The following UNC79 variants were observed in gnomAD, a reference collection of about 807,000 sequenced individuals.
UNC79 encodes unc-79 subunit of NALCN channel complex.
Under a neutral mutation model 283.1 loss-of-function variants are expected in UNC79, and 37 were observed. The ratio of observed to expected loss-of-function variants is 0.13; its 90% CI spans 0.10 to 0.17. UNC79 has a LOEUF of 0.17. UNC79 is among the 10% of genes least tolerant of loss of function. The pLI is 1.00. For synonymous variants in UNC79, 1,107 were observed against 1,200.2 expected (o/e 0.92, Z 1.61); for missense variants, 2,272 against 3,211.1 (o/e 0.71, Z 7.07).
intron 40 of UNC79, 151 bp downstream of exon 43, chr14:93,662,865 G>A (rs745795812): frequency 5.8e-6 from 3 of 519,260 alleles, no homozygotes; most frequent in East Asian, 6.0e-5. Flanking sequence ...ACCATGGTAA[G>A]GAAACACTTT....
At chr14:93,581,467 C>T (rs2063796898) in intron 19 of UNC79, among the ~76,000 whole-genome samples, 1 of 150,108 alleles carries the variant, frequency 6.7e-6, no homozygotes, top group Admixed American at 6.6e-5. Flanking sequence ...ACCACCACAC[C>T]TGGCCAGTAT....
At chr14:93,659,357 C>A in intron 39 of UNC79, 96 bp downstream of exon 42, 3 of 953,994 alleles carry the variant, frequency 3.1e-6, no homozygotes, top group Non-Finnish European at 4.6e-6. Flanking sequence ...ATAGTTATGG[C>A]ATACTGAATG....
intron 1 of UNC79, among the ~76,000 whole-genome samples, chr14:93,415,009 T>TA (rs1337688061): frequency 6.6e-6 from 1 of 152,240 alleles, no homozygotes; most frequent in African/African-American, 2.4e-5. Context: ...GAATACCCTC[T>TA]ATTTCCTTCT....
intron 1 of UNC79, among the ~76,000 whole-genome samples, chr14:93,362,327 T>C (rs1182231309): frequency 2.6e-5 from 4 of 152,144 alleles, no homozygotes; most frequent in Admixed American, 1.3e-4. Flanking sequence ...GGGATTCTTA[T>C]GGTTGGTAGG....
At position 93,617,958 on chromosome 14, in the gene UNC79, G is replaced by A. The variant is rs553912623; in HGVS notation, c.4225-234G>A. Among the ~76,000 whole-genome samples, 6 of 152,170 alleles carry A rather than the reference G, an allele frequency of 3.9e-5. No homozygotes were observed. In the East Asian group the frequency reaches 5.8e-4, roughly 15 times the overall value. On this transcript the variant is annotated intron_variant, in intron 28 of 48. Transcript: ENST00000555664. The surrounding 1 kb of genome is among the most constrained non-coding windows in gnomAD (Gnocchi z 4.5). ...TGAGGTGGGAGGATCACCTGAGCCC[G>A]GTAGGCTGCTATGATCACGCCACAG...
chr14:93,493,550 G>T (rs938286800), intron 5 of UNC79, among the ~76,000 whole-genome samples: 14 of 152,112 alleles, frequency 9.2e-5, no homozygotes, highest in African/African-American at 3.4e-4. Context: ...TGAAGAATAA[G>T]CAGATCTTTC....
intron 1 of UNC79, among the ~76,000 whole-genome samples, chr14:93,383,193 T>C (rs1304950176): frequency 2.0e-5 from 3 of 152,172 alleles, no homozygotes; most frequent in Admixed American, 2.0e-4. Context: ...GTGAGAGAGA[T>C]TGTGGGTTCA....
At chr14:93,391,319 C>T (rs144850365) in intron 1 of UNC79, among the ~76,000 whole-genome samples, 8 of 152,198 alleles carry the variant, frequency 5.3e-5, no homozygotes, top group African/African-American at 4.8e-5. Context: ...CATATCACAG[C>T]CAGACATCAA....
intron 32 of UNC79, among the ~76,000 whole-genome samples, chr14:93,639,480 T>C (rs1368799166): frequency 6.6e-6 from 1 of 152,246 alleles, no homozygotes; most frequent in Non-Finnish European, 1.5e-5. Flanking sequence ...ATGCTTGTAA[T>C]TCTGTTGCTT....
chr14:93,654,116 G>C, intron 37 of UNC79, 91 bp downstream of exon 40: 1 of 1,002,338 alleles, frequency 1.0e-6, no homozygotes, highest in Non-Finnish European at 1.5e-6. Flanking sequence ...CACACCATAG[G>C]ATACTGCTGA....
chr14:93,535,427 C>T (rs2061021502), intron 11 of UNC79, among the ~76,000 whole-genome samples: 1 of 152,144 alleles, frequency 6.6e-6, no homozygotes, highest in Admixed American at 6.5e-5. Context: ...TTATCATATG[C>T]AGTGTATCCA....
At chr14:93,355,679 A>G (rs1031260142) in intron 1 of UNC79, among the ~76,000 whole-genome samples, 1 of 151,950 alleles carries the variant, frequency 6.6e-6, no homozygotes, top group Non-Finnish European at 1.5e-5. Context: ...TACATTGACC[A>G]CCTCTTTCCA....
intron 1 of UNC79, among the ~76,000 whole-genome samples, chr14:93,408,521 T>G (rs2055270976): frequency 6.6e-6 from 1 of 152,074 alleles, no homozygotes; most frequent in Non-Finnish European, 1.5e-5. Flanking sequence ...AAAAAGACCC[T>G]GTCTCTGCAA....
In UNC79 at chr14:93,620,347, A is replaced by T. The variant is rs370073597; in HGVS notation, c.4388-1274A>T. Among the ~76,000 whole-genome samples, 12 of 152,198 alleles carry T rather than the reference A, an allele frequency of 7.9e-5. No homozygotes were observed. The East Asian group carries it at 1.7e-3, about 22-fold the overall frequency. On this transcript the variant is annotated intron_variant, in intron 29 of 48. Coordinates refer to ENST00000555664, the Ensembl canonical transcript of UNC79. ...TTTTCTGTGTGTTGCGTGTCTCATT[A>T]TCAAATGTAGAGTACAGTATTTTGC... is the stretch of plus-strand genomic sequence containing the variant.
intron 24 of UNC79, among the ~76,000 whole-genome samples, chr14:93,600,072 C>T (rs545330726): frequency 5.0e-4 from 76 of 152,162 alleles, no homozygotes; most frequent in South Asian, 1.9e-3. Flanking sequence ...TGGTGGCGGG[C>T]GCCTGTAGTC....
At chr14:93,673,878 G>C (rs899427212) in intron 41 of UNC79, among the ~76,000 whole-genome samples, 1 of 152,124 alleles carries the variant, frequency 6.6e-6, no homozygotes, top group Non-Finnish European at 1.5e-5. Context: ...CAGAAGTAAA[G>C]GAGAGGGTGG....
intron 1 of UNC79, among the ~76,000 whole-genome samples, chr14:93,345,685 C>T (rs547074287): frequency 1.3e-5 from 2 of 151,976 alleles, no homozygotes; most frequent in Non-Finnish European, 2.9e-5. Context: ...AGAGGTGACC[C>T]GCTAAGAAGG....
chr14:93,529,421 A>G (rs1595759043), intron 10 of UNC79, 95 bp downstream of exon 10: 1 of 1,330,970 alleles, frequency 7.5e-7, no homozygotes, highest in Non-Finnish European at 1.0e-6. Flanking sequence ...TTACAAAGAC[A>G]GTCACCAAAG....
At chr14:93,367,091 C>T (rs986394755) in intron 1 of UNC79, among the ~76,000 whole-genome samples, 1 of 152,104 alleles carries the variant, frequency 6.6e-6, no homozygotes, top group Non-Finnish European at 1.5e-5. Context: ...GATTTGAAGA[C>T]ATTGTAAATC....
Sources: gnomAD v4.1 joint callset for allele counts (sites outside exome capture counted in the v4.1 genomes callset) on GRCh38, gnomAD v4.1.1 for gene constraint, Gnocchi (gnomAD v3.1) non-coding constraint, MANE v1.5 for transcripts, NCBI Gene and HGNC (gene_info 2026-07-23, HGNC 2026-07-21) for gene names.